The following RBFOX1 variants were observed in gnomAD, a reference collection of about 807,000 sequenced individuals.
RBFOX1 encodes the protein RNA binding protein fox-1 homolog 1.
RBFOX1 carries 8 observed loss-of-function variants against 57.7 expected under a neutral mutation model. That is an observed-to-expected ratio of 0.14 (90% CI 0.08 to 0.25). RBFOX1 has a LOEUF of 0.25. Ranked by LOEUF, RBFOX1 falls within the 10% of genes least tolerant of loss-of-function variation. The probability of loss-of-function intolerance (pLI) is 1.00; values close to 1 mark genes in which losing one functional copy is unlikely to be tolerated. For synonymous variants in RBFOX1, 326 were observed against 222.4 expected (o/e 1.47, Z -4.15); for missense variants, 611 against 548.5 (o/e 1.11, Z -1.14).
At chr16:7,375,412 G>C (rs1239921439) in intron 4 of RBFOX1, among the ~76,000 whole-genome samples, 3 of 151,980 alleles carry the variant, frequency 2.0e-5, no homozygotes, top group Non-Finnish European at 4.4e-5. Context: ...ATGGTGGTAA[G>C]AGTATAAAGA....
chr16:7,256,020 C>T (rs1425151714), intron 4 of RBFOX1, among the ~76,000 whole-genome samples: 1 of 152,082 alleles, frequency 6.6e-6, no homozygotes, highest in African/African-American at 2.4e-5. Flanking sequence ...TTTGCATTTC[C>T]CAAATTTCCA....
intron 2 of RBFOX1, among the ~76,000 whole-genome samples, chr16:6,517,007 C>G (rs1162520292): frequency 6.6e-6 from 1 of 152,158 alleles, no homozygotes; most frequent in Non-Finnish European, 1.5e-5. Flanking sequence ...AGCATAAATT[C>G]CTACTAGTGT....
At chr16:5,861,206 G>A (rs147478772) in intron 3 of RBFOX1, among the ~76,000 whole-genome samples, 277 of 152,318 alleles carry the variant, frequency 1.8e-3, no homozygotes, top group South Asian at 3.7e-3. Context: ...CAGTGGGGAT[G>A]TGTGGGCAGC....
intron 3 of RBFOX1, among the ~76,000 whole-genome samples, chr16:6,694,671 T>G (rs2154136122): frequency 6.6e-6 from 1 of 152,294 alleles, no homozygotes. Flanking sequence ...TTCCACATGG[T>G]AGCAAGATGG....
At chr16:6,215,539 G>A (rs559266226) in intron 1 of RBFOX1, among the ~76,000 whole-genome samples, 2 of 152,088 alleles carry the variant, frequency 1.3e-5, no homozygotes, top group East Asian at 3.9e-4. Context: ...TCCCATGAAC[G>A]CTCCCCCAAA....
At chr16:6,002,246 A>G (rs1313074969) in intron 4 of RBFOX1, among the ~76,000 whole-genome samples, 1 of 152,116 alleles carries the variant, frequency 6.6e-6, no homozygotes, top group Non-Finnish European at 1.5e-5. Flanking sequence ...CAAAGTTCTC[A>G]TTTTATAGGC....
chr16:6,861,374 A>T (rs560390236), intron 3 of RBFOX1, among the ~76,000 whole-genome samples: 371 of 152,266 alleles, frequency 2.4e-3, no homozygotes, highest in African/African-American at 8.4e-3. Flanking sequence ...CTCAATCTAC[A>T]AGACAAAAGA....
intron 10 of RBFOX1, among the ~76,000 whole-genome samples, chr16:7,621,968 A>G (rs2059384064): frequency 6.6e-6 from 1 of 152,222 alleles, no homozygotes; most frequent in South Asian, 2.1e-4. Flanking sequence ...CTTATTAGAT[A>G]CTGAAACTTG....
chr16:7,515,831 A>C lies in RBFOX1; in HGVS notation c.28-2316A>C, dbSNP rs1474693219. Among the ~76,000 whole-genome samples, 3 of 151,064 alleles carry C rather than the reference A, an allele frequency of 2.0e-5. No individual in the cohort carries two copies. In the East Asian group the frequency reaches 5.9e-4, roughly 30 times the overall value. ...TGTAGGGAGGTCCCCTTCAAGTGGCAGTTCGTTGTTGTTGTTGTTGTTGTT... is the reference window on the plus strand; with the variant it reads ...TGTAGGGAGGTCCCCTTCAAGTGGCCGTTCGTTGTTGTTGTTGTTGTTGTT... On this transcript the variant is annotated intron_variant, in intron 4 of 15. Coordinates refer to ENST00000550418, the MANE Select transcript of RBFOX1 (RefSeq NM_018723.4).
chr16:7,254,790 A>G (rs569022710), intron 4 of RBFOX1, among the ~76,000 whole-genome samples: 2 of 152,272 alleles, frequency 1.3e-5, no homozygotes, highest in South Asian at 2.1e-4. Context: ...AGGGTGCTTT[A>G]TGTTGTATTT....
intron 2 of RBFOX1, among the ~76,000 whole-genome samples, chr16:6,378,140 C>T (rs1462379389): frequency 2.0e-5 from 3 of 152,234 alleles, no homozygotes; most frequent in African/African-American, 2.4e-5. Context: ...GCTGGAGGCT[C>T]AGCTACCAGA....
intron 4 of RBFOX1, among the ~76,000 whole-genome samples, chr16:6,002,583 A>G (rs1358541415): frequency 6.6e-6 from 1 of 151,902 alleles, no homozygotes; most frequent in Non-Finnish European, 1.5e-5. Context: ...AGAGAAGAGA[A>G]CTCCATAATT....
chr16:5,250,584 C>T (rs2062426266), intron 1 of RBFOX1, among the ~76,000 whole-genome samples: 1 of 152,206 alleles, frequency 6.6e-6, no homozygotes, highest in South Asian at 2.1e-4. Context: ...TGTATTTGCA[C>T]ATAAGTGCTT....
intron 4 of RBFOX1, among the ~76,000 whole-genome samples, chr16:7,215,070 G>A (rs1309579265): frequency 2.6e-5 from 4 of 152,012 alleles, no homozygotes; most frequent in East Asian, 1.9e-4. Flanking sequence ...TCCACCCCCC[G>A]CGGACAGGCC....
chr16:5,450,608 A>G (rs2068393463), intron 1 of RBFOX1, among the ~76,000 whole-genome samples: 1 of 152,100 alleles, frequency 6.6e-6, no homozygotes, highest in Admixed American at 6.6e-5. Context: ...ATTTATGCAA[A>G]TGGCTCCACA....
At chr16:6,261,284 C>G (rs2097699988) in intron 1 of RBFOX1, among the ~76,000 whole-genome samples, 1 of 152,172 alleles carries the variant, frequency 6.6e-6, no homozygotes, top group South Asian at 2.1e-4. Context: ...TGTGTTTCAC[C>G]AAAATCAGTG....
At chr16:6,583,981 A>G (rs1394825628) in intron 2 of RBFOX1, among the ~76,000 whole-genome samples, 7 of 149,396 alleles carry the variant, frequency 4.7e-5, no homozygotes, top group African/African-American at 7.3e-5. Flanking sequence ...CAAATAAACA[A>G]TAACAACGAC....
intron 4 of RBFOX1, among the ~76,000 whole-genome samples, chr16:7,219,867 T>C (rs753489024): frequency 1.7e-4 from 26 of 152,202 alleles, no homozygotes; most frequent in Non-Finnish European, 3.1e-4. Flanking sequence ...TGTATTTATA[T>C]AAAGAAGTTT....
At position 6,450,858 on chromosome 16, in the gene RBFOX1, T is replaced by TAC. The variant is rs1567304227; in HGVS notation, c.-64+133802_-64+133803insCA. Reference sequence around the variant, plus strand: ...ATATGTGTATATATATATATATATATATATATATATATATATCTCCTCTGA... The same window carrying TAC: ...ATATGTGTATATATATATATATATATACATATATATATATATATCTCCTCTGA... On this transcript the variant is annotated intron_variant, in intron 2 of 15. Coordinates refer to ENST00000550418, the MANE Select transcript of RBFOX1 (RefSeq NM_018723.4). 4.1e-5 allele frequency among the ~76,000 whole-genome samples: 4 copies of TAC among 97,592 alleles called. 1 individual carries two copies. Among genetic ancestry groups the TAC allele is most frequent in the South Asian group, 5.7e-4 (2 of 3,522 alleles). 64.0% of individuals were successfully genotyped at this position (97,592 alleles called of 152,430 possible).
Sources: gnomAD v4.1 joint callset for allele counts (sites outside exome capture counted in the v4.1 genomes callset) on GRCh38, gnomAD v4.1.1 for gene constraint, MANE v1.5 for transcripts, NCBI Gene and HGNC (gene_info 2026-07-23, HGNC 2026-07-21) for gene names.